Variants in EIF2S2 observed in about 807,000 individuals in gnomAD.
EIF2S2 encodes eukaryotic translation initiation factor 2 subunit beta, also known as eukaryotic translation initiation factor 2 subunit 2.
A neutral mutation model predicts 44.0 loss-of-function variants in EIF2S2; 4 were observed. That is an observed-to-expected ratio of 0.09 (90% confidence interval 0.04 to 0.21). The LOEUF is 0.21. Ranked by LOEUF, EIF2S2 falls within the 10% of genes least tolerant of loss-of-function variation. EIF2S2 has a pLI of 1.00. For synonymous variants in EIF2S2, 108 were observed against 128.3 expected (o/e 0.84, Z 1.07); for missense variants, 154 against 392.0 (o/e 0.39, Z 5.13).
chr20:34,095,310 CTTTTT>C (rs148341160), intron 6 of EIF2S2, among the ~76,000 whole-genome samples: 13 of 123,916 alleles, frequency 1.0e-4, no homozygotes, highest in South Asian at 2.8e-4. Context: ...TTAGCTACCT[CTTTTT>C]TTTTTTTTTT....
chr20:34,106,893 C>T (rs981751961), intron 1 of EIF2S2, among the ~76,000 whole-genome samples: 84 of 152,168 alleles, frequency 5.5e-4, no homozygotes, highest in African/African-American at 1.9e-3. Context: ...GAGTAGAAAG[C>T]GCAGGAGGCT....
chr20:34,097,650 C>T, intron 4 of EIF2S2, 134 bp from the exon 5 acceptor site: 1 of 656,472 alleles, frequency 1.5e-6, no homozygotes, highest in South Asian at 2.1e-5. Context: ...CAGCCTTAAG[C>T]ATAAAGAAAC....
chr20:34,098,720 G>T, intron 3 of EIF2S2, 87 bp from the exon 4 acceptor site: 1 of 1,449,720 alleles, frequency 6.9e-7, no homozygotes, highest in Non-Finnish European at 9.2e-7. Flanking sequence ...AGATGAGGAG[G>T]TCTTGCTTTG....
At position 34,111,437 on chromosome 20, in the gene EIF2S2, G is replaced by A. The variant is rs1479401943; in HGVS notation, c.15+659C>T. Among the ~76,000 whole-genome samples, 4 of 152,202 alleles carry A rather than the reference G, an allele frequency of 2.6e-5. No homozygotes were observed. The East Asian group carries it at 7.7e-4, about 29-fold the overall frequency. On this transcript the variant is annotated intron_variant, in intron 1 of 8. Transcript: ENST00000374980. ...AAGTACCACGGTAAAAAAAGATCCA[G>A]CCAGTTTCACAGCCCGCACTTCCCG...
intron 5 of EIF2S2, 147 bp from the exon 6 acceptor site, chr20:34,096,952 G>T: frequency 1.1e-6 from 1 of 874,800 alleles, no homozygotes; most frequent in Non-Finnish European, 1.8e-6. Flanking sequence ...CTCCTTGAGG[G>T]CAGAGGTTCA....
rs1310824731 is a variant in EIF2S2, at chr20:34,112,004, G to A, written c.15+92C>T. The A allele has an allele frequency of 5.5e-6, 7 of 1,273,350 alleles. No homozygotes were observed. The African/African-American group carries it at 1.1e-4, about 20-fold the overall frequency. The allele number at this position is 1,273,350 out of a possible 1,614,324, so 78.9% of individuals were successfully genotyped here. On this transcript the variant is annotated intron_variant, in intron 1 of 8. Coordinates refer to ENST00000374980, the MANE Select transcript of EIF2S2 (RefSeq NM_003908.5). ...GCGGCTGCCTCACATGGCGGCGGCC[G>A]GCTGCTAGGCCGCAGGCCCGTTCTC... is the stretch of plus-strand genomic sequence containing the variant.
chr20:34,096,924 T>C, intron 5 of EIF2S2, 119 bp from the exon 6 acceptor site: 1 of 1,120,394 alleles, frequency 8.9e-7, no homozygotes, highest in Non-Finnish European at 1.3e-6. Flanking sequence ...TACACATGCA[T>C]TACTACAAGT....
At chr20:34,103,618 A>C in intron 2 of EIF2S2, 53 bp from the exon 3 acceptor site, 20 of 1,469,176 alleles carry the variant, frequency 1.4e-5, no homozygotes, top group Non-Finnish European at 1.7e-5. Context: ...GCATCAAATT[A>C]TGAGTTACAC....
intron 1 of EIF2S2, among the ~76,000 whole-genome samples, chr20:34,108,583 T>C (rs1308475898): frequency 1.3e-5 from 2 of 152,206 alleles, no homozygotes; most frequent in East Asian, 3.8e-4. Context: ...GAAAAGCAAA[T>C]AGCTGTTGAC....
intron 6 of EIF2S2, among the ~76,000 whole-genome samples, chr20:34,096,290 C>CA (rs3215514): frequency 1.6e-3 from 219 of 137,102 alleles, no homozygotes; most frequent in Non-Finnish European, 1.5e-3. Flanking sequence ...CACGTTTCTA[C>CA]AAAAAAAAAA....
intron 3 of EIF2S2, among the ~76,000 whole-genome samples, chr20:34,102,667 T>A (rs1475386332): frequency 6.6e-6 from 1 of 152,186 alleles, no homozygotes; most frequent in African/African-American, 2.4e-5. Flanking sequence ...GCACAAGATA[T>A]TTGGTGTATG....
chr20:34,110,178 A>G (rs1172575122), intron 1 of EIF2S2, among the ~76,000 whole-genome samples: 1 of 151,900 alleles, frequency 6.6e-6, no homozygotes, highest in Admixed American at 6.6e-5. Context: ...GTCTAGCCTG[A>G]CCACCAGGCA....
chr20:34,100,862 G>A (rs1239747633), intron 3 of EIF2S2, among the ~76,000 whole-genome samples: 1 of 152,126 alleles, frequency 6.6e-6, no homozygotes, highest in Non-Finnish European at 1.5e-5. Context: ...ACCTAGAAAT[G>A]AGTCATAAAC....
chr20:34,093,794 A>G (rs2034196476), intron 6 of EIF2S2, 63 bp from the exon 7 acceptor site: 2 of 1,400,632 alleles, frequency 1.4e-6, no homozygotes, highest in Non-Finnish European at 2.0e-6. Context: ...AACTTCTAAA[A>G]AATCTGTTCA....
At chr20:34,104,900 T>C (rs970929642) in intron 2 of EIF2S2, among the ~76,000 whole-genome samples, 5 of 152,244 alleles carry the variant, frequency 3.3e-5, no homozygotes, top group Non-Finnish European at 5.9e-5. Context: ...ACAATGTTTA[T>C]AGAAACATTT....
At position 34,097,412 on chromosome 20, in the gene EIF2S2, T is replaced by C; in HGVS notation, c.534+4A>G. 1 of 1,611,560 alleles carries C rather than the reference T, an allele frequency of 6.2e-7. No homozygotes were observed. The highest frequency in any genetic ancestry group is 8.5e-7 in the Non-Finnish European group (1 of 1,179,040). ...GCCCCTTTTCACAACAGATTTTGTC[T>C]TACCTCCTCGTATGTGTAGTCTCTT... On this transcript the variant is annotated splice_donor_region_variant and intron_variant, in intron 5 of 8. Transcript: ENST00000374980.
Position 34,105,395 on chromosome 20 carries a change from C to A in EIF2S2, c.166G>T (p.Ala56Ser). The A allele has an allele frequency of 6.2e-7, 1 of 1,613,628 alleles. No homozygotes were observed. Among genetic ancestry groups the A allele is most frequent in the Non-Finnish European group, 8.5e-7 (1 of 1,179,812 alleles). Residue 56 changes from alanine to serine, a missense_variant, in exon 2 of 9, where the codon GCT becomes TCT. Ala to Ser is a moderately conservative substitution (Grantham distance 99, BLOSUM62 1). This residue lies in a region of EIF2S2 where 134 missense variants were observed against 225.0 expected (regional missense o/e 0.60). Transcript: ENST00000374980. The part of the protein sequence containing the change: ...PEPTEDKDLE[A>S]DEEDTRKKDA... ...TTTTTCCTAGTGTCCTCTTCATCAG[C>A]TTCCAAATCCTTGTCCTCAGTTGGC...
rs1371810497 is a variant in EIF2S2 at position 34,098,579 on chromosome 20, C to A, written c.352G>T (p.Asp118Tyr). The A allele has an allele frequency of 1.2e-6, 2 of 1,613,968 alleles. No homozygotes were observed. Among genetic ancestry groups the A allele is most frequent in the Admixed American group, 3.3e-5 (2 of 60,018 alleles). ...TTCTTTTTATTGCCAAGCATAATGTCAAGGTCATCCTCTGGTTCAGTTGGT... is the reference window on the plus strand; with the variant it reads ...TTCTTTTTATTGCCAAGCATAATGTAAAGGTCATCCTCTGGTTCAGTTGGT... ...QEPTEPEDDL[D>Y]IMLGNKKKKK... Residue 118 changes from aspartate to tyrosine, a missense_variant, in exon 4 of 9, where the codon GAC becomes TAC. This residue lies in a region of EIF2S2 where 134 missense variants were observed against 225.0 expected (regional missense o/e 0.60). Transcript: ENST00000374980.
chr20:34,109,824 G>C (rs1459830648), intron 1 of EIF2S2, among the ~76,000 whole-genome samples: 1 of 151,350 alleles, frequency 6.6e-6, no homozygotes, highest in African/African-American at 2.4e-5. Context: ...AAAACAGAAG[G>C]CTGGGCATGG....
Sources: gnomAD v4.1 joint callset for allele counts (sites outside exome capture counted in the v4.1 genomes callset) on GRCh38, gnomAD v4.1.1 for gene constraint, gnomAD v4.1.1 regional missense constraint, MANE v1.5 for transcripts, NCBI Gene and HGNC (gene_info 2026-07-23, HGNC 2026-07-21) for gene names.